Variants in DPP9 observed in about 807,000 individuals in gnomAD.
The protein encoded by DPP9 is dipeptidyl peptidase IV-related protein-2.
Under a neutral mutation model 110.7 loss-of-function variants are expected in DPP9, and 50 were observed. The observed-to-expected ratio is 0.45, with a 90% CI of 0.36 to 0.57. The LOEUF (loss-of-function observed/expected upper bound fraction) is 0.57, where lower values mean the gene tolerates loss of function less well. DPP9 is among the 20% of genes least tolerant of loss of function. The pLI is 0.00. For synonymous variants in DPP9, 561 were observed against 514.4 expected, an observed-to-expected ratio of 1.09 and a Z score of -1.23; for missense variants, 1,022 against 1,217.9, an observed-to-expected ratio of 0.84 and a Z score of 2.39.
intron 4 of DPP9, among the ~76,000 whole-genome samples, chr19:4,706,361 A>C (rs1391446510): frequency 2.0e-5 from 3 of 151,880 alleles, no homozygotes; most frequent in Non-Finnish European, 2.9e-5. Flanking sequence ...AATAAAAGAA[A>C]AAAGAAAGAA....
chr19:4,678,854 C>G (rs1011501642), intron 21 of DPP9, among the ~76,000 whole-genome samples: 4 of 152,052 alleles, frequency 2.6e-5, no homozygotes, highest in Admixed American at 2.0e-4. Context: ...CTGAATCTCC[C>G]GCCGGTACAA....
intron 7 of DPP9, among the ~76,000 whole-genome samples, chr19:4,702,959 A>T (rs2092377330): frequency 6.7e-6 from 1 of 149,508 alleles, no homozygotes; most frequent in Non-Finnish European, 1.5e-5. Context: ...GGGGCCGTCC[A>T]GGGCACAGCA....
In DPP9 at chr19:4,695,261, C is replaced by T; in HGVS notation, c.1353+117G>A. On this transcript the variant is annotated intron_variant, in intron 12 of 21. Coordinates refer to ENST00000262960, the MANE Select transcript of DPP9 (RefSeq NM_139159.5). The surrounding 1 kb of genome is among the most constrained non-coding windows in gnomAD (Gnocchi z 4.7). Reference sequence around the variant, plus strand: ...GGATGGCCAAGGCCTGAGCTCACTTCTCCACACAAGGGCAAACACCACCTG... The same window carrying T: ...GGATGGCCAAGGCCTGAGCTCACTTTTCCACACAAGGGCAAACACCACCTG... 8.4e-7 allele frequency: 1 copy of T among 1,191,376 alleles called. No individual in the cohort carries two copies. Among genetic ancestry groups the T allele is most frequent in the South Asian group, 1.6e-5 (1 of 61,500 alleles). The allele number at this position is 1,191,376 out of a possible 1,614,324, so 73.8% of individuals were successfully genotyped here.
intron 7 of DPP9, among the ~76,000 whole-genome samples, chr19:4,703,550 C>T (rs2092416475): frequency 6.6e-6 from 1 of 151,384 alleles, no homozygotes; most frequent in Admixed American, 6.6e-5. Context: ...GCAGGAGAAT[C>T]ACTTGAACCC....
chr19:4,684,639 A>G lies in DPP9; in HGVS notation c.2178+24T>C. 13 of 1,612,462 alleles carry G rather than the reference A, an allele frequency of 8.1e-6. No individual in the cohort carries two copies. Among genetic ancestry groups the G allele is most frequent in the Non-Finnish European group, 1.1e-5 (13 of 1,179,396 alleles). On this transcript the variant is annotated intron_variant, in intron 18 of 21. Transcript: ENST00000262960. This position sits in a 1 kb window ranked among gnomAD's most constrained non-coding sequence, Gnocchi z 4.8. The stretch of plus-strand genomic sequence containing the variant: ...TCCCTTCCCGAGACCCAAAGGACCC[A>G]GAGCAACAGGGAGGAGTTGTTACCA...
rs1011949361 is a variant in DPP9 at position 4,687,207 on chromosome 19, T to C, written c.1886-1436A>G. Among the ~76,000 whole-genome samples the C allele has an allele frequency of 6.6e-6, 1 of 152,108 alleles. No individual in the cohort carries two copies. Among genetic ancestry groups the C allele is most frequent in the Admixed American group, 6.6e-5 (1 of 15,258 alleles). On this transcript the variant is annotated intron_variant, in intron 16 of 21. Coordinates refer to ENST00000262960, the MANE Select transcript of DPP9 (RefSeq NM_139159.5). This position sits in a 1 kb window ranked among gnomAD's most constrained non-coding sequence, Gnocchi z 4.7. ...AGGGAGGCCTGGGATCTGTTTCTGC[T>C]CAGGGGTGAGGGCATCACAAAATGC...
chr19:4,715,735 G>A (rs547506744), intron 3 of DPP9: 25 of 152,350 alleles, frequency 1.6e-4, no homozygotes, highest in African/African-American at 5.3e-4. Context: ...GCCTCGGGAT[G>A]TGGGAGGTGC....
chr19:4,721,922 G>T (rs1245310830), intron 2 of DPP9, among the ~76,000 whole-genome samples: 1 of 152,140 alleles, frequency 6.6e-6, no homozygotes, highest in East Asian at 1.9e-4. Flanking sequence ...AGAGAGAAAG[G>T]TTCAAATCCT....
At position 4,682,195 on chromosome 19, in the gene DPP9, G is replaced by A. The variant is rs906379383; in HGVS notation, c.2474+501C>T. On this transcript the variant is annotated intron_variant, in intron 20 of 21. Transcript: ENST00000262960. This position sits in a 1 kb window ranked among gnomAD's most constrained non-coding sequence, Gnocchi z 7.1. ...CCCCTAGGTGACTGCATGGGATTCC[G>A]GGGAACATTTTCTGGAGACGTGCCA... 2.6e-5 allele frequency among the ~76,000 whole-genome samples: 4 copies of A among 152,098 alleles called. No individual in the cohort carries two copies. Among genetic ancestry groups the A allele is most frequent in the African/African-American group, 7.2e-5 (3 of 41,414 alleles).
At chr19:4,688,558 A>G in intron 16 of DPP9, 199 bp downstream of exon 16, 1 of 672,874 alleles carries the variant, frequency 1.5e-6, no homozygotes, top group South Asian at 4.0e-5. Context: ...TGCAGCTCGA[A>G]CCCAGGACCG....
Position 4,688,743 on chromosome 19 carries a change from C to A in DPP9, c.1885+14G>T. The A allele has an allele frequency of 7.0e-7, 1 of 1,427,848 alleles. No homozygotes were observed. The highest frequency in any genetic ancestry group is 9.1e-7 in the Non-Finnish European group (1 of 1,096,440). The allele number at this position is 1,427,848 out of a possible 1,614,324, so 88.4% of individuals were successfully genotyped here. ...GGGCGGAGGCCTCCGTGGGGCGGGG[C>A]AGGGGCTACTCACTGGCTGCCTCCA... On this transcript the variant is annotated intron_variant, in intron 16 of 21. Coordinates refer to ENST00000262960, the MANE Select transcript of DPP9 (RefSeq NM_139159.5).
chr19:4,706,581 C>T (rs2092596725), intron 4 of DPP9, among the ~76,000 whole-genome samples: 4 of 151,908 alleles, frequency 2.6e-5, no homozygotes, highest in Non-Finnish European at 2.9e-5. Flanking sequence ...TTTGGGAGGC[C>T]GAGGCAAGCA....
At chr19:4,697,953 G>A (rs1568316664) in intron 10 of DPP9, among the ~76,000 whole-genome samples, 1 of 152,112 alleles carries the variant, frequency 6.6e-6, no homozygotes, top group Non-Finnish European at 1.5e-5. Flanking sequence ...GGAAGCAACG[G>A]CCACCAAGAA....
rs1251675245 is a variant in DPP9 at position 4,697,554 on chromosome 19, T to G, written c.1172A>C (p.Lys391Thr). The G allele has an allele frequency of 6.2e-7, 1 of 1,613,170 alleles. No individual in the cohort carries two copies. The highest frequency in any genetic ancestry group is 8.5e-7 in the Non-Finnish European group (1 of 1,179,404). ...IARAGWTRDG[K>T]YAWAMFLDRP... ...GGTTCCAGCCAGAGACACTCACTAT[T>G]TGCCATCCCGGGTCCACCCGGCCCT... Residue 391 changes from lysine (K) to threonine (T), a missense_variant, in exon 11 of 22, where the codon AAA (lysine) becomes ACA (threonine). Physicochemically the swap from Lys to Thr is moderately conservative, Grantham distance 78 (BLOSUM62 -1). This residue lies in a region of DPP9 where 810 missense variants were observed against 920.6 expected (regional missense o/e 0.88). Coordinates refer to ENST00000262960, the MANE Select transcript of DPP9 (RefSeq NM_139159.5).
rs763475631 is a variant in DPP9 at position 4,688,868 on chromosome 19, A to G, written c.1774T>C (p.Tyr592His). The G allele has an allele frequency of 1.3e-6, 2 of 1,522,646 alleles. No homozygotes were observed. Among genetic ancestry groups the G allele is most frequent in the East Asian group, 2.6e-5 (1 of 37,860 alleles). The allele number at this position is 1,522,646 out of a possible 1,614,324, so 94.3% of individuals were successfully genotyped here. Residue 592 changes from tyrosine to histidine, a missense_variant, in exon 16 of 22, where the codon TAC becomes CAC. By Grantham distance (83) the Tyr-to-His change is moderately conservative (BLOSUM62 2). This residue lies in a region of DPP9 where 810 missense variants were observed against 920.6 expected (regional missense o/e 0.88). Transcript: ENST00000262960. The part of the protein sequence containing the change: ...SQNFDMFVSH[Y>H]SSVSTPPCVH... The stretch of plus-strand genomic sequence containing the variant: ...CAGGGCGGCGTGCTCACGCTGCTGT[A>G]GTGGCTGACGAACATGTCGAAGTTC...
intron 21 of DPP9, among the ~76,000 whole-genome samples, chr19:4,678,138 A>G: frequency 6.8e-6 from 1 of 148,106 alleles, no homozygotes. Context: ...TTTGAGACGG[A>G]GTCTCCCTCT....
In DPP9 at chr19:4,685,436, G is replaced by A. The variant is rs933624198; in HGVS notation, c.2031+190C>T. ...GGAAGGGCGGGGAGCGTGCAAACGG[G>A]CACAGAGAAAGGAGGGTGAGGGGCC... On this transcript the variant is annotated intron_variant, in intron 17 of 21. Coordinates refer to ENST00000262960, the MANE Select transcript of DPP9 (RefSeq NM_139159.5). The surrounding 1 kb of genome is among the most constrained non-coding windows in gnomAD (Gnocchi z 5.8). The A allele has an allele frequency of 1.6e-5, 11 of 682,878 alleles. No homozygotes were observed. Among genetic ancestry groups the A allele is most frequent in the Non-Finnish European group, 2.4e-5 (9 of 380,454 alleles). The allele number at this position is 682,878 out of a possible 1,614,324, so 42.3% of individuals were successfully genotyped here.
At position 4,698,576 on chromosome 19, in the gene DPP9, A is replaced by AC. The variant is rs1194760120; in HGVS notation, c.1075-926dup. ...AGACCAGCCTGGGGAACATGGCAAG[A>AC]CCCCATCTCTACAAAACCCACAATT... On this transcript the variant is annotated intron_variant, in intron 10 of 21. Coordinates refer to ENST00000262960, the MANE Select transcript of DPP9 (RefSeq NM_139159.5). This position sits in a 1 kb window ranked among gnomAD's most constrained non-coding sequence, Gnocchi z 4.2. Among the ~76,000 whole-genome samples, 1 of 151,912 alleles carries AC rather than the reference A, an allele frequency of 6.6e-6. No individual in the cohort carries two copies. The highest frequency in any genetic ancestry group is 1.5e-5 in the Non-Finnish European group (1 of 67,994).
At chr19:4,721,944 T>C (rs1443393523) in intron 2 of DPP9, among the ~76,000 whole-genome samples, 1 of 152,192 alleles carries the variant, frequency 6.6e-6, no homozygotes, top group Non-Finnish European at 1.5e-5. Context: ...ACTCTGCCAC[T>C]TCTGGGGAAG....
Sources: gnomAD v4.1 joint callset for allele counts (sites outside exome capture counted in the v4.1 genomes callset) on GRCh38, gnomAD v4.1.1 for gene constraint, gnomAD v4.1.1 regional missense constraint, Gnocchi (gnomAD v3.1) non-coding constraint, MANE v1.5 for transcripts, NCBI Gene and HGNC (gene_info 2026-07-23, HGNC 2026-07-21) for gene names.